The following RGS7 variants were observed in gnomAD, a reference collection of about 807,000 sequenced individuals.
RGS7 encodes regulator of G protein signaling 7, also known as regulator of G-protein signaling 7.
In RGS7, 27 loss-of-function variants were observed where a neutral mutation model predicts 81.1. The observed-to-expected ratio is 0.33, with a 90% CI of 0.25 to 0.46. The LOEUF is 0.46. Among genes scored for constraint, RGS7 ranks in the 20% least tolerant of loss-of-function variants. The pLI, the probability that RGS7 is intolerant of heterozygous loss-of-function variation, is 1.00. For missense variants in RGS7, 396 were observed against 607.4 expected, an observed-to-expected ratio of 0.65 and a Z score of 3.66; for synonymous variants, 208 against 207.7, an observed-to-expected ratio of 1.00 and a Z score of -0.01.
chr1:241,130,706 A>G (rs1238869798), intron 2 of RGS7, among the ~76,000 whole-genome samples: 1 of 152,150 alleles, frequency 6.6e-6, no homozygotes, highest in Non-Finnish European at 1.5e-5. Flanking sequence ...GAACTAAAAC[A>G]CAAAATATCT....
chr1:241,151,108 C>T (rs537872539), intron 2 of RGS7, among the ~76,000 whole-genome samples: 1 of 152,288 alleles, frequency 6.6e-6, no homozygotes, highest in South Asian at 2.1e-4. Context: ...CCCACTCAGT[C>T]CACTGGCGCA....
At chr1:241,013,567 C>T (rs745937983) in intron 3 of RGS7, among the ~76,000 whole-genome samples, 121 of 152,278 alleles carry the variant, frequency 7.9e-4, no homozygotes, top group Non-Finnish European at 1.3e-3. Flanking sequence ...CTGCTAGTGT[C>T]GTGGTGTTGT....
chr1:241,055,829 G>A (rs2148818857), intron 3 of RGS7, among the ~76,000 whole-genome samples: 1 of 152,274 alleles, frequency 6.6e-6, no homozygotes, highest in African/African-American at 2.4e-5. Context: ...AGGCTACCCA[G>A]GAGCCCCCAG....
intron 9 of RGS7, among the ~76,000 whole-genome samples, chr1:240,851,641 T>G (rs1008501078): frequency 2.0e-5 from 3 of 152,208 alleles, no homozygotes; most frequent in Non-Finnish European, 4.4e-5. Context: ...GACAACTTTC[T>G]GCAAAGGGGT....
intron 3 of RGS7, among the ~76,000 whole-genome samples, chr1:241,097,687 C>T (rs537440378): frequency 1.3e-5 from 2 of 152,230 alleles, no homozygotes; most frequent in East Asian, 3.9e-4. Flanking sequence ...TGTGCCAGGC[C>T]ATGCCCCAGC....
intron 9 of RGS7, among the ~76,000 whole-genome samples, chr1:240,864,647 G>A (rs1195018287): frequency 6.6e-6 from 1 of 152,172 alleles, no homozygotes; most frequent in African/African-American, 2.4e-5. Context: ...GGAAATAAAA[G>A]AGTTCAAAAA....
intron 6 of RGS7, among the ~76,000 whole-genome samples, chr1:240,926,790 C>T (rs1295959461): frequency 6.6e-6 from 1 of 152,152 alleles, no homozygotes; most frequent in Admixed American, 6.5e-5. Flanking sequence ...TGTACTTGCA[C>T]ACAAAATACC....
chr1:240,816,329 C>T lies in RGS7; in HGVS notation c.771G>A (p.Glu257=), dbSNP rs144480266. Residue 257 remains glutamate (E), a synonymous_variant, in exon 11 of 19, where the codon GAG becomes GAA. Coordinates refer to ENST00000440928, the MANE Select transcript of RGS7 (RefSeq NM_001364886.1). The part of the protein sequence containing the change: ...TPETKPPTED[E]LQQQIKYWQI... Reference sequence around the variant, plus strand: ...TAGGTTGACTCACCTGTTGTTGTAACTCATCTTCTGTTGGAGGTTTAGTTT... The same window carrying T: ...TAGGTTGACTCACCTGTTGTTGTAATTCATCTTCTGTTGGAGGTTTAGTTT... 3 of 1,608,212 alleles carry T rather than the reference C, an allele frequency of 1.9e-6. No individual in the cohort carries two copies. In the African/African-American group the frequency reaches 4.0e-5, roughly 22 times the overall value.
At chr1:240,897,218 C>T (rs1346491890) in intron 6 of RGS7, among the ~76,000 whole-genome samples, 1 of 152,176 alleles carries the variant, frequency 6.6e-6, no homozygotes, top group African/African-American at 2.4e-5. Context: ...ACAATCATGT[C>T]ATCTGCAAAT....
chr1:241,348,219 T>C lies in RGS7; in HGVS notation c.78+7480A>G, dbSNP rs182978239. Among the ~76,000 whole-genome samples the C allele has an allele frequency of 3.2e-4, 49 of 152,370 alleles. No individual in the cohort carries two copies. In the East Asian group the frequency reaches 5.4e-3, roughly 17 times the overall value. ...AGCATATAGAACATTTCGGTCATGA[T>C]AGAAAGTTCTATTGGACAGCATCGC... On this transcript the variant is annotated intron_variant, in intron 2 of 18. Transcript: ENST00000440928.
intron 2 of RGS7, among the ~76,000 whole-genome samples, chr1:241,207,199 C>T (rs542081986): frequency 2.0e-5 from 3 of 151,446 alleles, no homozygotes; most frequent in African/African-American, 7.2e-5. Flanking sequence ...AATCTCCCGA[C>T]CTCGTGATCT....
At chr1:241,182,669 A>C (rs1387054576) in intron 2 of RGS7, among the ~76,000 whole-genome samples, 3 of 74,284 alleles carry the variant, frequency 4.0e-5, no homozygotes, top group Non-Finnish European at 7.8e-5. Context: ...TTTTTTTTTG[A>C]GACAGAGTCT....
intron 2 of RGS7, among the ~76,000 whole-genome samples, chr1:241,248,013 A>G (rs73122022): frequency 0.012 from 1,792 of 152,310 alleles, 16 homozygotes; most frequent in African/African-American, 0.025. Context: ...TAAATTACTG[A>G]GAGAAGAATG....
chr1:241,250,523 G>A (rs368512959), intron 2 of RGS7, among the ~76,000 whole-genome samples: 2 of 151,848 alleles, frequency 1.3e-5, no homozygotes, highest in Non-Finnish European at 2.9e-5. Flanking sequence ...TTTAAAATGT[G>A]AGAATAAATG....
chr1:241,290,016 T>G (rs551071024), intron 2 of RGS7, among the ~76,000 whole-genome samples: 12 of 152,350 alleles, frequency 7.9e-5, no homozygotes, highest in African/African-American at 2.6e-4. Flanking sequence ...TCATCAGAAT[T>G]GAGGCAAAGG....
chr1:241,253,579 G>A (rs1252063701), intron 2 of RGS7, among the ~76,000 whole-genome samples: 1 of 152,174 alleles, frequency 6.6e-6, no homozygotes, highest in Non-Finnish European at 1.5e-5. Context: ...CTCTCCCTCT[G>A]ACCCTCCATT....
chr1:240,786,486 A>G (rs911993439), intron 18 of RGS7, among the ~76,000 whole-genome samples: 1 of 152,230 alleles, frequency 6.6e-6, no homozygotes, highest in Non-Finnish European at 1.5e-5. Flanking sequence ...AAAATTAAGT[A>G]CAGAATACAT....
At chr1:241,323,865 T>C (rs1015528588) in intron 2 of RGS7, among the ~76,000 whole-genome samples, 2 of 152,202 alleles carry the variant, frequency 1.3e-5, no homozygotes, top group Non-Finnish European at 2.9e-5. Context: ...TTTAACCTAC[T>C]GATAGGCCCT....
At chr1:241,152,132 T>C (rs975846334) in intron 2 of RGS7, among the ~76,000 whole-genome samples, 8 of 143,894 alleles carry the variant, frequency 5.6e-5, no homozygotes, top group African/African-American at 2.0e-4. Flanking sequence ...TTCCAGCTCA[T>C]TAGCAGCCAA....
Sources: gnomAD v4.1 joint callset for allele counts (sites outside exome capture counted in the v4.1 genomes callset) on GRCh38, gnomAD v4.1.1 for gene constraint, MANE v1.5 for transcripts, NCBI Gene and HGNC (gene_info 2026-07-23, HGNC 2026-07-21) for gene names.